RAPGEF2: variants seen among roughly 807,000 people sequenced by gnomAD.
RAPGEF2 encodes PDZ domain containing guanine nucleotide exchange factor (GEF) 1.
RAPGEF2 carries 54 observed loss-of-function variants against 186.7 expected under a neutral mutation model. The observed-to-expected ratio is 0.29, with a 90% confidence interval of 0.23 to 0.36. RAPGEF2 has a LOEUF of 0.36. Ranked by LOEUF, RAPGEF2 falls within the 10% of genes least tolerant of loss-of-function variation. The pLI is 1.00. For synonymous variants in RAPGEF2, 712 were observed against 705.9 expected (o/e 1.01, Z -0.14); for missense variants, 1,532 against 2,045.0 (o/e 0.75, Z 4.84).
chr4:159,351,166 C>T (rs745411266), intron 26 of RAPGEF2: 329 of 1,534,604 alleles, frequency 2.1e-4, no homozygotes, highest in Non-Finnish European at 2.6e-4. Context: ...CAATGCACCA[C>T]GGACCTATGG....
intron 26 of RAPGEF2, 58 bp from the exon 27 acceptor site, chr4:159,352,627 T>G: frequency 7.2e-7 from 1 of 1,391,346 alleles, no homozygotes; most frequent in South Asian, 1.2e-5. Flanking sequence ...TTGGTAGACT[T>G]CCCTTTGATG....
intron 17 of RAPGEF2, among the ~76,000 whole-genome samples, chr4:159,336,372 T>A (rs998150566): frequency 3.3e-5 from 5 of 152,198 alleles, no homozygotes; most frequent in Admixed American, 2.0e-4. Context: ...TCACTCAGTA[T>A]GCCTTTGCCT....
At chr4:159,175,155 C>G (rs1355317997) in intron 1 of RAPGEF2, among the ~76,000 whole-genome samples, 1 of 152,144 alleles carries the variant, frequency 6.6e-6, no homozygotes, top group Non-Finnish European at 1.5e-5. Context: ...TCAGGTTTTC[C>G]TGGGCTTTGA....
At position 159,170,017 on chromosome 4, in the gene RAPGEF2, TA is replaced by T. The variant is rs574088410; in HGVS notation, c.70-16623del. Reference sequence around the variant, plus strand: ...ATACTGTTTTCCATAATGAATATACTAATTTACATTCTCATCAACAGTGAGA... The same window carrying T: ...ATACTGTTTTCCATAATGAATATACTATTTACATTCTCATCAACAGTGAGA... On this transcript the variant is annotated intron_variant, in intron 1 of 29. Transcript: ENST00000691494. Among the ~76,000 whole-genome samples the T allele has an allele frequency of 1.9e-3, 295 of 152,210 alleles. 2 individuals are homozygous for T. Among genetic ancestry groups the T allele is most frequent in the Non-Finnish European group, 3.4e-3 (231 of 68,016 alleles).
At chr4:159,218,474 G>A (rs1349150357) in intron 4 of RAPGEF2, among the ~76,000 whole-genome samples, 1 of 152,196 alleles carries the variant, frequency 6.6e-6, no homozygotes. Context: ...AGAAGTTGTT[G>A]GCCTGGCGCA....
intron 7 of RAPGEF2, among the ~76,000 whole-genome samples, chr4:159,253,108 A>G (rs1391107212): frequency 1.3e-5 from 2 of 152,214 alleles, no homozygotes; most frequent in African/African-American, 4.8e-5. Context: ...ATATGAAGAA[A>G]ATCTGGCCTC....
chr4:159,324,952 G>A (rs897935179), intron 11 of RAPGEF2, among the ~76,000 whole-genome samples: 1 of 152,086 alleles, frequency 6.6e-6, no homozygotes, highest in Non-Finnish European at 1.5e-5. Flanking sequence ...ATTGTCAGTT[G>A]TATTTATTAG....
intron 7 of RAPGEF2, among the ~76,000 whole-genome samples, chr4:159,301,236 G>A (rs556051535): frequency 1.4e-4 from 21 of 152,194 alleles, no homozygotes; most frequent in South Asian, 2.1e-4. Flanking sequence ...AGCCGGGGTC[G>A]TGGGCGCCTG....
intron 1 of RAPGEF2, among the ~76,000 whole-genome samples, chr4:159,150,356 A>G (rs1034271295): frequency 6.6e-6 from 1 of 152,164 alleles, no homozygotes; most frequent in Non-Finnish European, 1.5e-5. Context: ...TATTGAATAT[A>G]TACGGTTGAT....
At chr4:159,335,574 G>A (rs1412442151) in intron 17 of RAPGEF2, among the ~76,000 whole-genome samples, 3 of 152,116 alleles carry the variant, frequency 2.0e-5, no homozygotes, top group South Asian at 2.1e-4. Context: ...GGTTGAGTGC[G>A]CGGTGGCTCA....
chr4:159,187,198 A>G (rs984280228), intron 2 of RAPGEF2, among the ~76,000 whole-genome samples: 1 of 152,208 alleles, frequency 6.6e-6, no homozygotes, highest in Non-Finnish European at 1.5e-5. Flanking sequence ...ACAAAGTTGA[A>G]TTCAATTGTA....
At chr4:159,261,344 G>A (rs1322010496) in intron 7 of RAPGEF2, among the ~76,000 whole-genome samples, 2 of 152,094 alleles carry the variant, frequency 1.3e-5, no homozygotes, top group Non-Finnish European at 2.9e-5. Context: ...TTACGGGCGT[G>A]AGCCACCGCA....
intron 1 of RAPGEF2, among the ~76,000 whole-genome samples, chr4:159,121,766 C>T (rs1284940413): frequency 6.6e-6 from 1 of 151,648 alleles, no homozygotes. Flanking sequence ...CTCGGTGGCT[C>T]ATGCCTGTAA....
In RAPGEF2 at chr4:159,147,900, T is replaced by G. The variant is rs192817470; in HGVS notation, c.70-38742T>G. Among the ~76,000 whole-genome samples the G allele has an allele frequency of 2.6e-4, 39 of 152,344 alleles. 1 individual carries two copies. The highest frequency in any genetic ancestry group is 2.5e-3 in the Admixed American group (39 of 15,306). On this transcript the variant is annotated intron_variant, in intron 1 of 29. Transcript: ENST00000691494. Reference sequence around the variant, plus strand: ...TCGGATGAAAAGCAAAGAAAGAGTTTTTGGCAATGCCTGGCACATGTGCCT... The same window carrying G: ...TCGGATGAAAAGCAAAGAAAGAGTTGTTGGCAATGCCTGGCACATGTGCCT...
intron 1 of RAPGEF2, among the ~76,000 whole-genome samples, chr4:159,120,908 G>T (rs898271624): frequency 2.0e-5 from 3 of 151,448 alleles, no homozygotes; most frequent in African/African-American, 7.3e-5. Flanking sequence ...AGGCTATAGT[G>T]CAGTGGCGCA....
At chr4:159,314,811 AT>A (rs1561264670) in intron 9 of RAPGEF2, 43 bp downstream of exon 9, 2 of 1,526,342 alleles carry the variant, frequency 1.3e-6, no homozygotes, top group Non-Finnish European at 1.8e-6. Context: ...AATTAAAAAG[AT>A]TTAGTGGCAA....
At chr4:159,348,262 G>A (rs1436069094) in intron 25 of RAPGEF2, among the ~76,000 whole-genome samples, 2 of 149,468 alleles carry the variant, frequency 1.3e-5, no homozygotes, top group African/African-American at 2.6e-5. Flanking sequence ...ATGGATGGAT[G>A]GATGGATGGA....
At position 159,292,607 on chromosome 4, in the gene RAPGEF2, T is replaced by C. The variant is rs576577366; in HGVS notation, c.544-11735T>C. Among the ~76,000 whole-genome samples, 11 of 152,138 alleles carry C rather than the reference T, an allele frequency of 7.2e-5. No homozygotes were observed. In the South Asian group the frequency reaches 1.2e-3, roughly 17 times the overall value. On this transcript the variant is annotated intron_variant, in intron 7 of 29. Transcript: ENST00000691494. The stretch of plus-strand genomic sequence containing the variant: ...CCACCCTTCTTCCTAATGAAATAAG[T>C]TTACTTCTATTTTTTTAAAAGACTA...
At chr4:159,301,567 G>A (rs150739807) in intron 7 of RAPGEF2, among the ~76,000 whole-genome samples, 92 of 152,208 alleles carry the variant, frequency 6.0e-4, no homozygotes, top group South Asian at 1.2e-3. Flanking sequence ...ATAGTGCGGA[G>A]AAAGGGATAA....
Sources: allele counts gnomAD v4.1 joint callset (sites outside exome capture counted in the v4.1 genomes callset), GRCh38; gene constraint gnomAD v4.1.1; transcripts MANE v1.5; gene names NCBI Gene and HGNC (gene_info 2026-07-23, HGNC 2026-07-21).